Variants in CASK observed in about 807,000 individuals in gnomAD.
CASK encodes the protein calcium/calmodulin dependent serine protein kinase, also known as peripheral plasma membrane protein CASK.
CASK carries 4 observed loss-of-function variants against 82.9 expected under a neutral mutation model. The observed-to-expected ratio is 0.05, with a 90% CI of 0.02 to 0.11. The LOEUF (loss-of-function observed/expected upper bound fraction) is 0.11, where lower values mean the gene tolerates loss of function less well. Among genes scored for constraint, CASK ranks in the 10% least tolerant of loss-of-function variants. CASK has a pLI of 1.00. For missense variants in CASK, 358 were observed against 720.9 expected (o/e 0.50, Z 5.76); for synonymous variants, 259 against 253.5 (o/e 1.02, Z -0.20).
intron 21 of CASK, among the ~76,000 whole-genome samples, chrX:41,548,767 C>G (rs2065056524): frequency 9.0e-6 from 1 of 111,721 alleles, no homozygotes; most frequent in South Asian, 3.7e-4. Context: ...AATCGTGTGA[C>G]CTTGTGAAGC....
chrX:41,904,968 AC>A (rs1156641415), intron 1 of CASK, among the ~76,000 whole-genome samples: 1 of 112,191 alleles, frequency 8.9e-6, no homozygotes, highest in African/African-American at 3.2e-5. Flanking sequence ...TATATGTACC[AC>A]ATTTTCTTTA....
chrX:41,690,729 A>G (rs1022997976), intron 5 of CASK, among the ~76,000 whole-genome samples: 1 of 105,504 alleles, frequency 9.5e-6, no homozygotes, highest in African/African-American at 3.5e-5. Context: ...GCTGGAGTAC[A>G]GTGGAGTGAT....
At chrX:41,899,390 G>A (rs916931507) in intron 1 of CASK, among the ~76,000 whole-genome samples, 2 of 110,738 alleles carry the variant, frequency 1.8e-5, no homozygotes, top group African/African-American at 6.6e-5. Flanking sequence ...TCTTCTGATT[G>A]AAGAATTTAA....
chrX:41,646,291 T>C, intron 8 of CASK, among the ~76,000 whole-genome samples: 1 of 111,419 alleles, frequency 9.0e-6, no homozygotes, highest in East Asian at 2.8e-4. Context: ...GAAGACTGTG[T>C]TAACTCACAT....
At position 41,575,658 on chromosome X, in the gene CASK, G is replaced by A. The variant is rs766843572; in HGVS notation, c.1503+2682C>T. Among the ~76,000 whole-genome samples the A allele has an allele frequency of 3.1e-4, 35 of 111,639 alleles. 1 individual carries two copies. The highest frequency in any genetic ancestry group is 4.7e-3 in the Middle Eastern group (1 of 215). On this transcript the variant is annotated intron_variant, in intron 15 of 26. Coordinates refer to ENST00000378163, the MANE Select transcript of CASK (RefSeq NM_001367721.1). The stretch of plus-strand genomic sequence containing the variant: ...CTGAAAAACAAAACAGATCATATAG[G>A]AATATCCTGCACAGTAACATAATGC...
chrX:41,637,378 C>CTTTTTT (rs758261036), intron 8 of CASK, among the ~76,000 whole-genome samples: 4 of 36,893 alleles, frequency 1.1e-4, no homozygotes, highest in African/African-American at 2.6e-4. Context: ...TTAGGACACG[C>CTTTTTT]TTTTTTTTTT....
intron 8 of CASK, among the ~76,000 whole-genome samples, chrX:41,647,134 A>G (rs1002654564): frequency 8.9e-6 from 1 of 112,105 alleles, no homozygotes; most frequent in Non-Finnish European, 1.9e-5. Flanking sequence ...GGCATCGATC[A>G]AAAATTGGCA....
At chrX:41,556,875 A>G (rs2065165841) in intron 19 of CASK, among the ~76,000 whole-genome samples, 157 bp downstream of exon 19, 1 of 112,086 alleles carries the variant, frequency 8.9e-6, no homozygotes, top group Non-Finnish European at 1.9e-5. Context: ...GGAAATGTTG[A>G]AAAAGATTTT....
intron 5 of CASK, among the ~76,000 whole-genome samples, chrX:41,711,648 C>T (rs767996615): frequency 9.0e-6 from 1 of 111,123 alleles, no homozygotes; most frequent in Non-Finnish European, 1.9e-5. Context: ...TTGATCCCCG[C>T]CCCTCACCTA....
chrX:41,518,590 G>C lies in CASK; in HGVS notation c.*1830C>G, dbSNP rs746601269. Reference sequence around the variant, plus strand: ...AAATCGCCACCATTTAATAATAGGCGGTGGGGGGCGGAGGCGGGTATGGTG... The same window carrying C: ...AAATCGCCACCATTTAATAATAGGCCGTGGGGGGCGGAGGCGGGTATGGTG... On this transcript the variant is annotated 3_prime_UTR_variant, in exon 27 of 27. Transcript: ENST00000378163. 5 of 110,156 alleles carry C rather than the reference G, an allele frequency of 4.5e-5. No individual in the cohort carries two copies. The highest frequency in any genetic ancestry group is 1.6e-4 in the African/African-American group (5 of 30,356). 9.1% of individuals were successfully genotyped at this position (110,156 alleles called of 1,213,427 possible).
At chrX:41,851,207 G>A (rs2071260011) in intron 2 of CASK, among the ~76,000 whole-genome samples, 1 of 111,862 alleles carries the variant, frequency 8.9e-6, no homozygotes, top group East Asian at 2.8e-4. Flanking sequence ...GATATGAAAA[G>A]AGTACATGAT....
At chrX:41,558,015 TC>T (rs761652494) in intron 18 of CASK, among the ~76,000 whole-genome samples, 2 of 111,423 alleles carry the variant, frequency 1.8e-5, no homozygotes, top group East Asian at 5.6e-4. Context: ...GGTAATGAGA[TC>T]CCTTAGAAGA....
At chrX:41,776,809 A>G (rs1273917104) in intron 3 of CASK, among the ~76,000 whole-genome samples, 1 of 112,608 alleles carries the variant, frequency 8.9e-6, no homozygotes, top group Non-Finnish European at 1.9e-5. Context: ...GAAGATAGAC[A>G]CTATGTTCAC....
At chrX:41,626,227 C>G (rs1293770726) in intron 10 of CASK, among the ~76,000 whole-genome samples, 12 of 110,762 alleles carry the variant, frequency 1.1e-4, no homozygotes, top group Non-Finnish European at 2.3e-4. Context: ...TCTAATACGA[C>G]TGACCTGGGG....
intron 5 of CASK, among the ~76,000 whole-genome samples, chrX:41,733,641 C>T (rs1244347057): frequency 3.7e-5 from 4 of 108,982 alleles, no homozygotes; most frequent in Non-Finnish European, 7.6e-5. Flanking sequence ...CCCAGCTACT[C>T]GGGAGGCTGA....
At chrX:41,633,886 A>G (rs975829409) in intron 9 of CASK, among the ~76,000 whole-genome samples, 2 of 109,932 alleles carry the variant, frequency 1.8e-5, no homozygotes, top group African/African-American at 6.6e-5. Flanking sequence ...CAGGCCCCCA[A>G]TAGCTGGGAT....
chrX:41,755,261 T>C (rs1398998002), intron 3 of CASK, among the ~76,000 whole-genome samples: 3 of 111,621 alleles, frequency 2.7e-5, no homozygotes, highest in South Asian at 3.7e-4. Context: ...TTTATGAAAA[T>C]AGTTTAATCC....
chrX:41,600,584 T>C (rs2065879716), intron 12 of CASK, among the ~76,000 whole-genome samples: 1 of 112,560 alleles, frequency 8.9e-6, no homozygotes, highest in Admixed American at 9.4e-5. Context: ...AGCTGATTCA[T>C]TATTCTTGGT....
intron 1 of CASK, among the ~76,000 whole-genome samples, chrX:41,860,390 A>G (rs2071455499): frequency 9.0e-6 from 1 of 111,727 alleles, no homozygotes; most frequent in African/African-American, 3.3e-5. Context: ...TAAAATCTTG[A>G]AAATTATAGA....
Sources: allele counts gnomAD v4.1 joint callset (sites outside exome capture counted in the v4.1 genomes callset), GRCh38; gene constraint gnomAD v4.1.1; transcripts MANE v1.5; gene names NCBI Gene and HGNC (gene_info 2026-07-23, HGNC 2026-07-21).